The following ANKRD55 variants were observed in gnomAD, a reference collection of about 807,000 sequenced individuals.
ANKRD55 encodes the protein ankyrin repeat domain 55, also known as ankyrin repeat domain-containing protein 55.
A neutral mutation model predicts 60.6 loss-of-function variants in ANKRD55; 41 were observed. The ratio of observed to expected loss-of-function variants is 0.68; its 90% CI spans 0.53 to 0.88. ANKRD55 has a LOEUF of 0.88. Among genes scored for constraint, ANKRD55 ranks in the 40% least tolerant of loss-of-function variants. ANKRD55 has a pLI of 0.00. For missense variants in ANKRD55, 732 were observed against 767.6 expected, an observed-to-expected ratio of 0.95 and a Z score of 0.55; for synonymous variants, 264 against 290.3, an observed-to-expected ratio of 0.91 and a Z score of 0.92.
chr5:56,183,611 G>A lies in ANKRD55; in HGVS notation c.82C>T (p.Leu28=), dbSNP rs1047024784. Residue 28 remains leucine, a synonymous_variant, in exon 3 of 12, where the codon CTG becomes TTG. Coordinates refer to ENST00000341048, the MANE Select transcript of ANKRD55 (RefSeq NM_024669.3). ...QRGDSSEEVD[L]TMVYQAASNG... ...GAGGCTGCTTGATAAACCATGGTCA[G>A]GTCAACTTCCTCAGATGAGTCACCT... The A allele has an allele frequency of 1.2e-6, 2 of 1,614,110 alleles. No individual in the cohort carries two copies. The highest frequency in any genetic ancestry group is 1.7e-6 in the Non-Finnish European group (2 of 1,179,994).
chr5:56,202,518 G>A (rs1271183995), intron 2 of ANKRD55, among the ~76,000 whole-genome samples: 1 of 152,134 alleles, frequency 6.6e-6, no homozygotes, highest in African/African-American at 2.4e-5. Flanking sequence ...GATGATAAGA[G>A]TGTTTTAGAA....
intron 2 of ANKRD55, among the ~76,000 whole-genome samples, chr5:56,199,595 A>C (rs1210273978): frequency 6.6e-6 from 1 of 151,996 alleles, no homozygotes; most frequent in Non-Finnish European, 1.5e-5. Flanking sequence ...AAAAAAAAAA[A>C]AAAACTTGGG....
chr5:56,214,140 A>T (rs967081282), intron 2 of ANKRD55, among the ~76,000 whole-genome samples: 1 of 152,230 alleles, frequency 6.6e-6, no homozygotes. Context: ...AACCACCCCC[A>T]TGATTCAATT....
chr5:56,146,976 C>T (rs1027265324), intron 6 of ANKRD55: 1 of 152,160 alleles, frequency 6.6e-6, no homozygotes, highest in Non-Finnish European at 1.5e-5. Context: ...TTATTGTCTC[C>T]TAAATACAGT....
Position 56,128,029 on chromosome 5 carries a change from T to C in ANKRD55, c.613-923A>G, listed in dbSNP as rs572340312. Among the ~76,000 whole-genome samples, 13 of 152,346 alleles carry C rather than the reference T, an allele frequency of 8.5e-5. No homozygotes were observed. The South Asian group carries it at 2.7e-3, about 32-fold the overall frequency. On this transcript the variant is annotated intron_variant, in intron 7 of 11. Coordinates refer to ENST00000341048, the MANE Select transcript of ANKRD55 (RefSeq NM_024669.3). ...TTAGGTGAGCACACCTAAGCTTTCATGCCTTTATCAACTTTTCTATGTTTG... is the reference window on the plus strand; with the variant it reads ...TTAGGTGAGCACACCTAAGCTTTCACGCCTTTATCAACTTTTCTATGTTTG...
At chr5:56,151,637 AC>A (rs1308256936) in intron 6 of ANKRD55, among the ~76,000 whole-genome samples, 1 of 151,830 alleles carries the variant, frequency 6.6e-6, no homozygotes, top group Non-Finnish European at 1.5e-5. Context: ...ACCTGGTGAA[AC>A]CCCATCTCCA....
intron 2 of ANKRD55, among the ~76,000 whole-genome samples, chr5:56,220,423 G>A (rs66945327): frequency 8.6e-6 from 1 of 116,886 alleles, no homozygotes; most frequent in African/African-American, 5.3e-5. Flanking sequence ...CACTTTCTCA[G>A]GAGTTGGTTG....
chr5:56,196,556 A>G (rs1045826776), intron 2 of ANKRD55, among the ~76,000 whole-genome samples: 1 of 152,238 alleles, frequency 6.6e-6, no homozygotes, highest in African/African-American at 2.4e-5. Context: ...CACTTTCACA[A>G]GGCTAGTAAG....
intron 2 of ANKRD55, among the ~76,000 whole-genome samples, chr5:56,200,269 T>C (rs1188306724): frequency 6.6e-6 from 1 of 152,128 alleles, no homozygotes; most frequent in African/African-American, 2.4e-5. Context: ...AAGAAAAAAG[T>C]ATGTATTTTG....
In ANKRD55 at chr5:56,111,471, C is replaced by A; in HGVS notation, c.1277G>T (p.Arg426Leu). 1 of 1,614,110 alleles carries A rather than the reference C, an allele frequency of 6.2e-7. No homozygotes were observed. Among genetic ancestry groups the A allele is most frequent in the Admixed American group, 1.7e-5 (1 of 60,002 alleles). ...YLLPEKKPLARKGLPPIRTQS... is the reference protein window; with the variant it reads ...YLLPEKKPLALKGLPPIRTQS... ...CGTTCTGATTGGTGGAAGCCCCTTA[C>A]GGGCCAGCGGTTTCTTTTCTGGTAA... The change falls in exon 10 of 12, where the codon CGT becomes CTT. Residue 426 changes from arginine to leucine, a missense_variant. This residue lies in a region of ANKRD55 where 597 missense variants were observed against 607.5 expected (regional missense o/e 0.98). Transcript: ENST00000341048.
At chr5:56,132,239 A>G (rs1757440567) in intron 7 of ANKRD55, among the ~76,000 whole-genome samples, 1 of 152,086 alleles carries the variant, frequency 6.6e-6, no homozygotes, top group Non-Finnish European at 1.5e-5. Flanking sequence ...AAAAGGAAGT[A>G]TAACTAATAT....
intron 4 of ANKRD55, among the ~76,000 whole-genome samples, chr5:56,174,232 C>G (rs1758686490): frequency 6.6e-6 from 1 of 152,140 alleles, no homozygotes; most frequent in Admixed American, 6.5e-5. Context: ...CATTATTCAC[C>G]GTGATTTAGA....
intron 3 of ANKRD55, among the ~76,000 whole-genome samples, chr5:56,178,674 A>C (rs1581004499): frequency 6.6e-6 from 1 of 152,130 alleles, no homozygotes; most frequent in Non-Finnish European, 1.5e-5. Flanking sequence ...AGCAAGACTT[A>C]TGTGGATAAG....
At chr5:56,191,574 C>T (rs1162716990) in intron 2 of ANKRD55, among the ~76,000 whole-genome samples, 4 of 152,140 alleles carry the variant, frequency 2.6e-5, no homozygotes, top group Admixed American at 6.5e-5. Context: ...GACAGAGAGA[C>T]AGGTATTCTA....
chr5:56,223,611 C>G (rs937976998), intron 2 of ANKRD55, among the ~76,000 whole-genome samples: 3 of 152,136 alleles, frequency 2.0e-5, no homozygotes, highest in Non-Finnish European at 4.4e-5. Context: ...GGAGACCCAT[C>G]TCACATGCAG....
chr5:56,185,251 G>A (rs1031200861), intron 2 of ANKRD55, among the ~76,000 whole-genome samples: 1 of 151,880 alleles, frequency 6.6e-6, no homozygotes, highest in Non-Finnish European at 1.5e-5. Context: ...CAAAAGAACT[G>A]TGGGTCAAGT....
At position 56,183,571 on chromosome 5, in the gene ANKRD55, T is replaced by C; in HGVS notation, c.122A>G (p.Asn41Ser). The change falls in exon 3 of 12, where the codon AAT (asparagine) becomes AGT (serine). Residue 41 changes from asparagine (N) to serine (S), a missense_variant. Asn to Ser is a conservative substitution (Grantham distance 46, BLOSUM62 1). Transcript: ENST00000341048. ...VYQAASNGDV[N>S]ALTAVIREDP... ...TTCCCGAATCACTGCAGTCAGAGCA[T>C]TGACATCTCCATTAGAGGCTGCTTG... 7.4e-6 allele frequency: 12 copies of C among 1,614,212 alleles called. 1 individual carries two copies. The South Asian group carries it at 9.9e-5, about 13-fold the overall frequency.
chr5:56,123,247 C>T (rs186450), intron 8 of ANKRD55, among the ~76,000 whole-genome samples: 3 of 151,996 alleles, frequency 2.0e-5, no homozygotes, highest in Non-Finnish European at 4.4e-5. Context: ...CTGGAGGCAG[C>T]CTGGCAGCTG....
At chr5:56,183,999 C>T (rs1208312603) in intron 2 of ANKRD55, among the ~76,000 whole-genome samples, 1 of 152,178 alleles carries the variant, frequency 6.6e-6, no homozygotes, top group Admixed American at 6.5e-5. Flanking sequence ...TGTTCCTTGT[C>T]CTCCCAATAA....
Sources: allele counts gnomAD v4.1 joint callset (sites outside exome capture counted in the v4.1 genomes callset), GRCh38; gene constraint gnomAD v4.1.1; regional missense constraint gnomAD v4.1.1; transcripts MANE v1.5; gene names NCBI Gene and HGNC (gene_info 2026-07-23, HGNC 2026-07-21).